Variants in LRRIQ3 observed in about 807,000 individuals in gnomAD.
LRRIQ3 encodes the protein leucine rich repeats and IQ motif containing 3.
Under a neutral mutation model 59.3 loss-of-function variants are expected in LRRIQ3, and 75 were observed. The ratio of observed to expected loss-of-function variants is 1.26; its 90% confidence interval spans 1.05 to 1.53. LRRIQ3 has a LOEUF of 1.53. Among genes scored for constraint, LRRIQ3 ranks in the 40% most tolerant of loss-of-function variants. The pLI is 0.00. For synonymous variants in LRRIQ3, 250 were observed against 231.3 expected (o/e 1.08, Z -0.73); for missense variants, 831 against 710.0 (o/e 1.17, Z -1.94).
intron 6 of LRRIQ3, among the ~76,000 whole-genome samples, chr1:74,043,990 T>C (rs925376103): frequency 1.3e-5 from 2 of 152,134 alleles, no homozygotes; most frequent in Non-Finnish European, 2.9e-5. Context: ...CCATGTCTTT[T>C]CACGTCATAT....
rs148096467 is a variant in LRRIQ3 at position 74,172,502 on chromosome 1, T to C, written c.573+10036A>G. 1.4e-4 allele frequency among the ~76,000 whole-genome samples: 22 copies of C among 152,312 alleles called. No homozygotes were observed. In the East Asian group the frequency reaches 4.2e-3, roughly 29 times the overall value. On this transcript the variant is annotated intron_variant, in intron 3 of 7. Transcript: ENST00000354431. Reference sequence around the variant, plus strand: ...TTCTTAATACTTATATGTGACTATGTCATTTATTCTAAAGAAGGTTCTGTG... The same window carrying C: ...TTCTTAATACTTATATGTGACTATGCCATTTATTCTAAAGAAGGTTCTGTG...
chr1:74,073,327 C>T (rs1019068523), intron 6 of LRRIQ3, among the ~76,000 whole-genome samples: 1 of 152,064 alleles, frequency 6.6e-6, no homozygotes, highest in African/African-American at 2.4e-5. Context: ...GCCTGGGCAA[C>T]ATGGTGAAAC....
chr1:74,163,784 A>G (rs1444327919), intron 3 of LRRIQ3, among the ~76,000 whole-genome samples: 1 of 151,528 alleles, frequency 6.6e-6, no homozygotes, highest in Non-Finnish European at 1.5e-5. Context: ...CAGTATTGCA[A>G]TTGCTGAATC....
At chr1:74,147,339 G>GAAATAAAT (rs1332496953) in intron 4 of LRRIQ3, among the ~76,000 whole-genome samples, 6 of 152,236 alleles carry the variant, frequency 3.9e-5, no homozygotes, top group Admixed American at 2.6e-4. Context: ...AACTCCATAT[G>GAAATAAAT]AAATAAATAA....
intron 5 of LRRIQ3, among the ~76,000 whole-genome samples, chr1:74,097,469 G>A (rs1475624054): frequency 9.2e-5 from 14 of 152,094 alleles, no homozygotes; most frequent in Non-Finnish European, 1.8e-4. Flanking sequence ...GAACCAAGTT[G>A]GAAAACACTC....
At chr1:74,061,860 C>A (rs189928466) in intron 6 of LRRIQ3, among the ~76,000 whole-genome samples, 8 of 152,134 alleles carry the variant, frequency 5.3e-5, no homozygotes, top group African/African-American at 1.9e-4. Context: ...CTTAGTGAGA[C>A]CCTCTCTCTA....
intron 3 of LRRIQ3, among the ~76,000 whole-genome samples, chr1:74,174,280 T>C (rs1157057580): frequency 2.0e-5 from 3 of 151,866 alleles, no homozygotes; most frequent in African/African-American, 7.3e-5. Context: ...CACTAATTCT[T>C]TCTTCTGCTT....
At chr1:74,052,219 T>C (rs1282770075) in intron 6 of LRRIQ3, among the ~76,000 whole-genome samples, 1 of 152,290 alleles carries the variant, frequency 6.6e-6, no homozygotes, top group African/African-American at 2.4e-5. Flanking sequence ...CGATGTCCAC[T>C]GAAACAGTGC....
rs575647690 is a variant in LRRIQ3 at position 74,070,311 on chromosome 1, T to TA, written c.997+4349dup. 2.8e-4 allele frequency among the ~76,000 whole-genome samples: 42 copies of TA among 151,986 alleles called. 1 individual carries two copies. Among genetic ancestry groups the TA allele is most frequent in the Non-Finnish European group, 4.6e-4 (31 of 67,972 alleles). On this transcript the variant is annotated intron_variant, in intron 6 of 7. Coordinates refer to ENST00000354431, the MANE Select transcript of LRRIQ3 (RefSeq NM_001105659.2). ...CTATGCAGCCCCCAAAATAATGAGA[T>TA]AATGTTCTTTGCAGCAAGATGGATG...
chr1:74,043,827 C>T (rs1380749884), intron 6 of LRRIQ3, among the ~76,000 whole-genome samples: 2 of 152,028 alleles, frequency 1.3e-5, no homozygotes, highest in African/African-American at 2.4e-5. Flanking sequence ...CCATTTTTGG[C>T]CTAGGATTAT....
intron 3 of LRRIQ3, chr1:74,180,904 C>A: frequency 1.0e-6 from 1 of 968,510 alleles, no homozygotes; most frequent in Non-Finnish European, 1.5e-6. Flanking sequence ...GTGTTAATGC[C>A]TTACTTTCTT....
At chr1:74,197,947 C>T in intron 1 of LRRIQ3, 49 bp downstream of exon 1, 1 of 385,162 alleles carries the variant, frequency 2.6e-6, no homozygotes, top group Non-Finnish European at 4.7e-6. Flanking sequence ...TCGCCTTATC[C>T]TTAGCGGGTC....
chr1:74,047,955 T>G (rs1570024816), intron 6 of LRRIQ3, among the ~76,000 whole-genome samples: 1 of 152,084 alleles, frequency 6.6e-6, no homozygotes, highest in East Asian at 1.9e-4. Context: ...TAGCTCACTT[T>G]CCCTTCTCAC....
At chr1:74,112,018 G>T (rs35758200) in intron 4 of LRRIQ3, among the ~76,000 whole-genome samples, 52,930 of 151,950 alleles carry the variant, frequency 0.35, 9,533 homozygotes, top group Middle Eastern at 0.45. Flanking sequence ...GTGCAACGGG[G>T]AGAGAATACT....
At chr1:74,172,307 T>C (rs947967871) in intron 3 of LRRIQ3, among the ~76,000 whole-genome samples, 1 of 152,200 alleles carries the variant, frequency 6.6e-6, no homozygotes, top group African/African-American at 2.4e-5. Context: ...AGTAAGTTCA[T>C]TTTCACTTGT....
chr1:74,166,107 T>G (rs539157653), intron 3 of LRRIQ3, among the ~76,000 whole-genome samples: 1 of 151,742 alleles, frequency 6.6e-6, no homozygotes, highest in East Asian at 1.9e-4. Context: ...TTTATTTTTA[T>G]TTTTTGGAAT....
intron 4 of LRRIQ3, among the ~76,000 whole-genome samples, chr1:74,152,827 G>A (rs1648073566): frequency 6.6e-6 from 1 of 152,098 alleles, no homozygotes; most frequent in Non-Finnish European, 1.5e-5. Context: ...TTTGGAATGT[G>A]TTAATACCGG....
intron 4 of LRRIQ3, among the ~76,000 whole-genome samples, chr1:74,134,347 C>A (rs1321386874): frequency 1.3e-5 from 2 of 152,004 alleles, no homozygotes; most frequent in African/African-American, 4.8e-5. Flanking sequence ...AATAGCCCCC[C>A]ATAACCCCTA....
At chr1:74,134,821 G>A (rs1390187332) in intron 4 of LRRIQ3, among the ~76,000 whole-genome samples, 1 of 151,338 alleles carries the variant, frequency 6.6e-6, no homozygotes, top group African/African-American at 2.4e-5. Flanking sequence ...AAAGAATGTG[G>A]TAAAGGAGAA....
Sources: allele counts gnomAD v4.1 joint callset (sites outside exome capture counted in the v4.1 genomes callset), GRCh38; gene constraint gnomAD v4.1.1; transcripts MANE v1.5; gene names NCBI Gene and HGNC (gene_info 2026-07-23, HGNC 2026-07-21).